Variants in RPS29 observed in about 807,000 individuals in gnomAD.
The protein encoded by RPS29 is small ribosomal subunit protein uS14.
For missense variants in RPS29, 60 were observed against 75.7 expected, an observed-to-expected ratio of 0.79 and a Z score of 0.77; for synonymous variants, 37 against 26.9, an observed-to-expected ratio of 1.37 and a Z score of -1.16.
At chr14:49,597,536 A>G (rs892451389) in intron 1 of RPS29, 1 of 152,226 alleles carries the variant, frequency 6.6e-6, no homozygotes, top group Admixed American at 6.5e-5. Flanking sequence ...ATAAAGTCTA[A>G]TAGTCTGAAA....
At chr14:49,590,154 G>A (rs1169594805), upstream of RPS29, among the ~76,000 whole-genome samples, 1 of 152,170 alleles carries the variant, frequency 6.6e-6, no homozygotes, top group African/African-American at 2.4e-5. Flanking sequence ...GAACCAACCT[G>A]TACATGTTTC....
upstream of RPS29, among the ~76,000 whole-genome samples, chr14:49,587,418 G>A (rs533588481): frequency 8.5e-5 from 13 of 152,294 alleles, no homozygotes; most frequent in South Asian, 2.5e-3. Flanking sequence ...TGAAATCAAA[G>A]CTTTAACTAG....
At chr14:49,595,326 C>T (rs1243148116) in intron 1 of RPS29, among the ~76,000 whole-genome samples, 4 of 152,078 alleles carry the variant, frequency 2.6e-5, no homozygotes, top group African/African-American at 4.8e-5. Context: ...TGGCTCATAC[C>T]TGTAATCCGA....
chr14:49,586,120 C>T, intron 1 of RPS29, 71 bp from the exon 2 acceptor site: 1 of 1,465,024 alleles, frequency 6.8e-7, no homozygotes. Flanking sequence ...CGGCTACTAC[C>T]CGCATCCCGG....
chr14:49,574,244 G>T (rs1019840625), exon 3 of RPS29: 2 of 152,174 alleles, frequency 1.3e-5, no homozygotes, highest in African/African-American at 4.8e-5. Flanking sequence ...CGAGGGAGCT[G>T]TTTACACGGT....
chr14:49,591,469 A>G (rs1468066684), intron 1 of RPS29, among the ~76,000 whole-genome samples: 3 of 150,520 alleles, frequency 2.0e-5, no homozygotes, highest in African/African-American at 7.3e-5. Flanking sequence ...ATGTCACCAC[A>G]CCCAGCTAAT....
At chr14:49,575,678 T>A (rs1268552446) in exon 3 of RPS29, 1 of 152,074 alleles carries the variant, frequency 6.6e-6, no homozygotes, top group Non-Finnish European at 1.5e-5. Context: ...GAGACTTCCA[T>A]CTCTACGAAA....
chr14:49,580,799 C>T (rs978991287), downstream of RPS29, among the ~76,000 whole-genome samples: 1 of 151,538 alleles, frequency 6.6e-6, no homozygotes, highest in Non-Finnish European at 1.5e-5. Flanking sequence ...GCAGGAGAAT[C>T]GCCTGAACCC....
chr14:49,582,932 G>A (rs369187990), downstream of RPS29, among the ~76,000 whole-genome samples: 12 of 152,212 alleles, frequency 7.9e-5, no homozygotes, highest in African/African-American at 2.6e-4. Flanking sequence ...CCACAAATAC[G>A]CACATGCACA....
At chr14:49,590,740 G>C (rs1349882603), upstream of RPS29, among the ~76,000 whole-genome samples, 2 of 151,218 alleles carry the variant, frequency 1.3e-5, no homozygotes, top group Non-Finnish European at 2.9e-5. Flanking sequence ...ACCCAGGCTG[G>C]AGTGCAGTAG....
chr14:49,595,798 A>G (rs1409746257), intron 1 of RPS29, among the ~76,000 whole-genome samples: 4 of 152,184 alleles, frequency 2.6e-5, no homozygotes, highest in African/African-American at 9.6e-5. Flanking sequence ...GGATCACCAG[A>G]GGTCAGGAGT....
chr14:49,587,909 T>C (rs1290637963), upstream of RPS29, among the ~76,000 whole-genome samples: 1 of 152,190 alleles, frequency 6.6e-6, no homozygotes, highest in East Asian at 1.9e-4. Flanking sequence ...TGAGCCAAGG[T>C]AAGGTGAACA....
chr14:49,592,718 G>A (rs895914094), intron 1 of RPS29, among the ~76,000 whole-genome samples: 1 of 146,702 alleles, frequency 6.8e-6, no homozygotes, highest in Non-Finnish European at 1.5e-5. Context: ...AGACCAGCCT[G>A]ACCAACATGG....
At chr14:49,578,558 A>AATTTTTTT (rs1881248697) in intron 2 of RPS29, among the ~76,000 whole-genome samples, 1 of 43,026 alleles carries the variant, frequency 2.3e-5, no homozygotes, top group Non-Finnish European at 5.7e-5. Flanking sequence ...CAAAGCTTTC[A>AATTTTTTT]CTTTTTTTTT....
upstream of RPS29, among the ~76,000 whole-genome samples, chr14:49,591,287 CTGTT>C (rs61069057): frequency 0.084 from 12,675 of 150,576 alleles, 572 homozygotes; most frequent in Middle Eastern, 0.14. Context: ...TAGAGGTTTT[CTGTT>C]TGTTTGTTTG....
downstream of RPS29, among the ~76,000 whole-genome samples, chr14:49,581,229 CT>C (rs1196878797): frequency 1.3e-5 from 2 of 152,082 alleles, no homozygotes; most frequent in South Asian, 4.1e-4. Context: ...GATAATTTAG[CT>C]GCAACCAGTT....
chr14:49,595,067 C>A (rs1881790567), intron 1 of RPS29, among the ~76,000 whole-genome samples: 2 of 152,158 alleles, frequency 1.3e-5, no homozygotes, highest in Non-Finnish European at 2.9e-5. Flanking sequence ...CTTCCCATTT[C>A]TGAATAAATT....
upstream of RPS29, among the ~76,000 whole-genome samples, chr14:49,588,329 G>C (rs971131715): frequency 1.5e-4 from 23 of 152,150 alleles, no homozygotes; most frequent in African/African-American, 2.4e-5. Context: ...ACTTATTCTA[G>C]TCTATACATT....
upstream of RPS29, among the ~76,000 whole-genome samples, chr14:49,589,821 A>G (rs1420487961): frequency 6.6e-6 from 1 of 152,266 alleles, no homozygotes; most frequent in Non-Finnish European, 1.5e-5. Flanking sequence ...CTGGATAAAG[A>G]AAATGTAGTA....
Sources: allele counts gnomAD v4.1 joint callset (sites outside exome capture counted in the v4.1 genomes callset), GRCh38; gene constraint gnomAD v4.1.1; transcripts MANE v1.5; gene names NCBI Gene and HGNC (gene_info 2026-07-23, HGNC 2026-07-21).